The following SEMA5B variants were observed in gnomAD, a reference collection of about 807,000 sequenced individuals.
The protein encoded by SEMA5B is semaphorin 5B.
A neutral mutation model predicts 135.0 loss-of-function variants in SEMA5B; 66 were observed. The ratio of observed to expected loss-of-function variants is 0.49; its 90% confidence interval spans 0.40 to 0.60. The LOEUF (loss-of-function observed/expected upper bound fraction) is 0.60, where lower values mean the gene tolerates loss of function less well. Ranked by LOEUF, SEMA5B falls within the 20% of genes least tolerant of loss-of-function variation. The probability of loss-of-function intolerance (pLI) is 0.00; values close to 1 mark genes in which losing one functional copy is unlikely to be tolerated. For missense variants in SEMA5B, 1,501 were observed against 1,566.3 expected (o/e 0.96, Z 0.70); for synonymous variants, 690 against 639.5 (o/e 1.08, Z -1.19).
chr3:122,999,861 C>A (rs1227930894), intron 1 of SEMA5B, among the ~76,000 whole-genome samples: 3 of 152,070 alleles, frequency 2.0e-5, no homozygotes, highest in Non-Finnish European at 4.4e-5. Context: ...TCCACAACAG[C>A]TATGGGGACA....
chr3:122,923,416 G>A (rs7651952), intron 10 of SEMA5B, among the ~76,000 whole-genome samples: 1 of 152,044 alleles, frequency 6.6e-6, no homozygotes, highest in Non-Finnish European at 1.5e-5. Context: ...ATGCTTCCTC[G>A]CACTGCCCCT....
intron 12 of SEMA5B, among the ~76,000 whole-genome samples, chr3:122,920,245 C>T (rs1317302043): frequency 1.3e-5 from 2 of 152,236 alleles, no homozygotes; most frequent in Non-Finnish European, 1.5e-5. Flanking sequence ...CCATGTTTCT[C>T]CTGCGCCAAA....
In SEMA5B at chr3:122,913,541, C is replaced by T. The variant is rs777846701; in HGVS notation, c.2273G>A (p.Cys758Tyr). The change falls in exon 16 of 23, where the codon TGC (cysteine) becomes TAC (tyrosine). Residue 758 changes from cysteine (C) to tyrosine (Y), a missense_variant. By Grantham distance (194) the Cys-to-Tyr change is radical. Around this residue, in one of 2 missense-constraint regions of SEMA5B, gnomAD observed 927 missense variants for 881.6 expected, o/e 1.05. Coordinates refer to ENST00000357599, the MANE Select transcript of SEMA5B (RefSeq NM_001031702.4). Reference protein sequence around the residue: ...ACENGNSCLGCGVEFKTCNPE... With the variant: ...ACENGNSCLGYGVEFKTCNPE... Reference sequence around the variant, plus strand: ...CACGGCCCCAACCCTCACCACGCCGCAGCCCAGGCAGGAGTTGCCGTTCTC... The same window carrying T: ...CACGGCCCCAACCCTCACCACGCCGTAGCCCAGGCAGGAGTTGCCGTTCTC... 6.2e-7 allele frequency: 1 copy of T among 1,611,688 alleles called. No homozygotes were observed. Among genetic ancestry groups the T allele is most frequent in the Non-Finnish European group, 8.5e-7 (1 of 1,179,538 alleles).
At chr3:122,954,607 G>A (rs1401513150) in intron 2 of SEMA5B, among the ~76,000 whole-genome samples, 1 of 152,204 alleles carries the variant, frequency 6.6e-6, no homozygotes, top group Non-Finnish European at 1.5e-5. Flanking sequence ...GGGGCTTACA[G>A]GGACGTGCTC....
chr3:122,915,091 G>A (rs964669184), intron 14 of SEMA5B, among the ~76,000 whole-genome samples: 7 of 152,274 alleles, frequency 4.6e-5, no homozygotes, highest in African/African-American at 7.2e-5. Flanking sequence ...GTGGCAATCC[G>A]GAATTGGCAC....
intron 12 of SEMA5B, among the ~76,000 whole-genome samples, chr3:122,920,179 C>T (rs971352388): frequency 1.3e-5 from 2 of 152,216 alleles, no homozygotes; most frequent in South Asian, 2.1e-4. Context: ...GGATTCAAGT[C>T]GAAGTCCTCC....
intron 1 of SEMA5B, among the ~76,000 whole-genome samples, chr3:123,019,664 G>T (rs1942633749): frequency 6.6e-6 from 1 of 152,156 alleles, no homozygotes. Context: ...CACATAAAAA[G>T]TTTACCAGGC....
chr3:122,926,258 A>G, intron 9 of SEMA5B, 134 bp downstream of exon 9: 1 of 838,154 alleles, frequency 1.2e-6, no homozygotes, highest in South Asian at 1.8e-5. Context: ...CAGAAGCAGT[A>G]AGTCACAAAA....
At chr3:122,951,084 C>T (rs1234806591) in intron 2 of SEMA5B, among the ~76,000 whole-genome samples, 1 of 152,142 alleles carries the variant, frequency 6.6e-6, no homozygotes, top group Non-Finnish European at 1.5e-5. Context: ...CAGGCATGCA[C>T]CATCATGCCT....
chr3:122,921,908 G>T lies in SEMA5B; in HGVS notation c.1688+7C>A, dbSNP rs775087379. 1.2e-5 allele frequency: 19 copies of T among 1,529,772 alleles called. No homozygotes were observed. In the South Asian group the frequency reaches 1.8e-4, roughly 14 times the overall value. The allele number at this position is 1,529,772 out of a possible 1,614,324, so 94.8% of individuals were successfully genotyped here. A position where few individuals can be genotyped will look rare whatever the true frequency, so the allele number is the denominator to read the frequency against. ...GAGGCCTCGGGAGCCGCCCCGTCCCGGCTTACCCCTGGCTGCGGTAGGCGG... is the reference window on the plus strand; with the variant it reads ...GAGGCCTCGGGAGCCGCCCCGTCCCTGCTTACCCCTGGCTGCGGTAGGCGG... On this transcript the variant is annotated splice_region_variant and intron_variant, in intron 12 of 22. Coordinates refer to ENST00000357599, the MANE Select transcript of SEMA5B (RefSeq NM_001031702.4).
At chr3:122,918,968 T>A (rs1246628897) in intron 12 of SEMA5B, among the ~76,000 whole-genome samples, 2 of 145,338 alleles carry the variant, frequency 1.4e-5, no homozygotes, top group Non-Finnish European at 3.0e-5. Flanking sequence ...AAAGGAGCCA[T>A]CAGACCAATA....
At chr3:122,921,483 G>A (rs1938344370) in intron 12 of SEMA5B, among the ~76,000 whole-genome samples, 1 of 152,178 alleles carries the variant, frequency 6.6e-6, no homozygotes, top group Non-Finnish European at 1.5e-5. Flanking sequence ...GAGCAAAAAC[G>A]TGGGGCTGAC....
chr3:123,012,755 T>C (rs1560444877), intron 1 of SEMA5B, among the ~76,000 whole-genome samples: 2 of 152,022 alleles, frequency 1.3e-5, no homozygotes, highest in African/African-American at 4.8e-5. Context: ...CACACTACCT[T>C]CCCCCCTCCT....
intron 1 of SEMA5B, among the ~76,000 whole-genome samples, chr3:123,006,538 G>A (rs1942315952): frequency 6.6e-6 from 1 of 152,166 alleles, no homozygotes; most frequent in South Asian, 2.1e-4. Context: ...ACCTTCTAAG[G>A]GGCTTGCTGG....
At chr3:123,022,387 G>A (rs772008782) in intron 1 of SEMA5B, among the ~76,000 whole-genome samples, 7 of 152,172 alleles carry the variant, frequency 4.6e-5, no homozygotes, top group Non-Finnish European at 8.8e-5. Context: ...AGTTCCATGC[G>A]CAAGTCTGAT....
chr3:122,948,889 A>C (rs1293281515), intron 2 of SEMA5B, among the ~76,000 whole-genome samples, 180 bp from the exon 3 acceptor site: 1 of 152,230 alleles, frequency 6.6e-6, no homozygotes, highest in African/African-American at 2.4e-5. Context: ...CCTGAAAGCT[A>C]ATTTCCCTTG....
At chr3:122,943,412 C>T (rs1403202295) in intron 4 of SEMA5B, 24 bp downstream of exon 4, 8 of 1,535,324 alleles carry the variant, frequency 5.2e-6, no homozygotes, top group Admixed American at 3.8e-5. Context: ...CACTTCCCAC[C>T]CCGACCCTTC....
chr3:122,928,862 C>T, intron 6 of SEMA5B, 134 bp downstream of exon 6: 1 of 892,536 alleles, frequency 1.1e-6, no homozygotes, highest in East Asian at 2.6e-5. Context: ...CCTCACCTGC[C>T]CAAGGAGCCC....
At chr3:123,017,764 C>G (rs924997091) in intron 1 of SEMA5B, among the ~76,000 whole-genome samples, 1 of 152,020 alleles carries the variant, frequency 6.6e-6, no homozygotes, top group African/African-American at 2.4e-5. Context: ...AAAAATTAGC[C>G]AGATGCAGTG....
Sources: allele counts gnomAD v4.1 joint callset (sites outside exome capture counted in the v4.1 genomes callset), GRCh38; gene constraint gnomAD v4.1.1; regional missense constraint gnomAD v4.1.1; transcripts MANE v1.5; gene names NCBI Gene and HGNC (gene_info 2026-07-23, HGNC 2026-07-21).